Variants in GARIN1A observed in about 807,000 individuals in gnomAD.
The protein encoded by GARIN1A is golgi associated RAB2 interactor 1A, also known as Golgi-associated RAB2 interactor protein 1A.
the GARIN1A span, among the ~76,000 whole-genome samples, chr7:128,700,302 A>T: frequency 1.3e-5 from 2 of 149,818 alleles, no homozygotes; most frequent in Non-Finnish European, 3.0e-5. Context: ...TTTTTTTGAA[A>T]CGGAGTCTCT....
At chr7:128,684,305 C>T in the GARIN1A span, 1 of 152,176 alleles carries the variant, frequency 6.6e-6, no homozygotes, top group Non-Finnish European at 1.5e-5. Flanking sequence ...TGTGTTGCTC[C>T]ACTATATCAA....
At chr7:128,695,607 C>G in the GARIN1A span, among the ~76,000 whole-genome samples, 1 of 152,094 alleles carries the variant, frequency 6.6e-6, no homozygotes, top group African/African-American at 2.4e-5. The surrounding 1 kb of genome is among the most constrained non-coding windows in gnomAD (Gnocchi z 4.5). Context: ...GTGGTGTGAT[C>G]TCGCCTCACT....
chr7:128,708,101 T>C, the GARIN1A span, among the ~76,000 whole-genome samples: 1 of 152,028 alleles, frequency 6.6e-6, no homozygotes, highest in Admixed American at 6.6e-5. Context: ...CAGCCTTGCT[T>C]TCCCAGGCTC....
At chr7:128,689,705 G>A in the GARIN1A span, among the ~76,000 whole-genome samples, 16,541 of 107,782 alleles carry the variant, frequency 0.15, 3,120 homozygotes, top group East Asian at 0.44. Flanking sequence ...AGTGAGGAGC[G>A]TCCCCGCCCG....
the GARIN1A span, among the ~76,000 whole-genome samples, chr7:128,690,095 C>T: frequency 6.6e-6 from 1 of 152,240 alleles, no homozygotes; most frequent in East Asian, 1.9e-4. Context: ...TGCTGTTGAT[C>T]TATGACCTTA....
At chr7:128,680,088 G>T in the GARIN1A span, 1 of 1,582,244 alleles carries the variant, frequency 6.3e-7, no homozygotes, top group Non-Finnish European at 8.6e-7. Flanking sequence ...GCTGCTGGCG[G>T]CTGAGCAGAC....
the GARIN1A span, among the ~76,000 whole-genome samples, chr7:128,695,158 C>T: frequency 6.6e-6 from 1 of 152,230 alleles, no homozygotes; most frequent in Non-Finnish European, 1.5e-5. This position sits in a 1 kb window ranked among gnomAD's most constrained non-coding sequence, Gnocchi z 4.5. Flanking sequence ...TGGGTATCTT[C>T]TCTAAGCTCC....
the GARIN1A span, among the ~76,000 whole-genome samples, chr7:128,673,257 T>A: frequency 1.3e-5 from 2 of 152,168 alleles, no homozygotes; most frequent in Non-Finnish European, 2.9e-5. Flanking sequence ...AGGAAGCCTA[T>A]GAGTTTGGTT....
the GARIN1A span, among the ~76,000 whole-genome samples, chr7:128,694,572 A>G: frequency 6.6e-6 from 1 of 152,036 alleles, no homozygotes; most frequent in Admixed American, 6.6e-5. Context: ...AAACCAGCAC[A>G]TGGACTTTAG....
chr7:128,702,320 T>C, the GARIN1A span, among the ~76,000 whole-genome samples: 3 of 152,194 alleles, frequency 2.0e-5, no homozygotes, highest in Non-Finnish European at 2.9e-5. Context: ...AGTGGCAATA[T>C]ATTATAGGTT....
chr7:128,702,257 A>G, the GARIN1A span, among the ~76,000 whole-genome samples: 1 of 152,242 alleles, frequency 6.6e-6, no homozygotes, highest in East Asian at 1.9e-4. Context: ...AGAAGATAAG[A>G]CAGAATCAAT....
At chr7:128,696,520 T>G in the GARIN1A span, among the ~76,000 whole-genome samples, 1 of 152,172 alleles carries the variant, frequency 6.6e-6, no homozygotes, top group African/African-American at 2.4e-5. Context: ...ATTATTAACT[T>G]TTTTCAGGTC....
the GARIN1A span, chr7:128,685,815 G>A: frequency 1.3e-5 from 2 of 152,088 alleles, no homozygotes; most frequent in Non-Finnish European, 2.9e-5. Context: ...AAATCATGTG[G>A]CCATCCTATC....
At chr7:128,703,194 C>A in the GARIN1A span, among the ~76,000 whole-genome samples, 1 of 152,180 alleles carries the variant, frequency 6.6e-6, no homozygotes, top group East Asian at 1.9e-4. Flanking sequence ...AACAACTAGA[C>A]TTAATTGGCA....
chr7:128,707,058 A>G, the GARIN1A span, among the ~76,000 whole-genome samples: 4 of 151,520 alleles, frequency 2.6e-5, no homozygotes, highest in Admixed American at 2.0e-4. Flanking sequence ...TTGAGGTATG[A>G]TTGAGATGTA....
chr7:128,675,858 A>C, the GARIN1A span: 47 of 1,587,560 alleles, frequency 3.0e-5, no homozygotes, highest in Middle Eastern at 1.0e-3. Context: ...CAACCTCAGC[A>C]GGTAAAGGCT....
At chr7:128,672,404 A>G in the GARIN1A span, 96 of 1,607,002 alleles carry the variant, frequency 6.0e-5, 2 homozygotes, top group Admixed American at 1.6e-3. Context: ...ACCAATGAGT[A>G]AAATCAGGGG....
the GARIN1A span, chr7:128,690,855 A>G: frequency 6.6e-6 from 1 of 152,190 alleles, no homozygotes; most frequent in Non-Finnish European, 1.5e-5. Flanking sequence ...CCCAGAAAGC[A>G]GTCAGCTCTT....
the GARIN1A span, chr7:128,677,863 A>G: frequency 3.3e-6 from 5 of 1,496,532 alleles, no homozygotes; most frequent in Non-Finnish European, 4.5e-6. Context: ...ATATATAAGT[A>G]TATATGTAAG....
Sources: gnomAD v4.1 joint callset for allele counts (sites outside exome capture counted in the v4.1 genomes callset) on GRCh38, gnomAD v4.1.1 for gene constraint, Gnocchi (gnomAD v3.1) non-coding constraint, MANE v1.5 for transcripts, NCBI Gene and HGNC (gene_info 2026-07-23, HGNC 2026-07-21) for gene names.